Variants in HS6ST3 observed in about 807,000 individuals in gnomAD.
HS6ST3 encodes heparan sulfate 6-O-sulfotransferase 3.
Under a neutral mutation model 36.7 loss-of-function variants are expected in HS6ST3, and 12 were observed. That is an observed-to-expected ratio of 0.33 (90% CI 0.21 to 0.53). HS6ST3 has a LOEUF of 0.53. Ranked by LOEUF, HS6ST3 falls within the 20% of genes least tolerant of loss-of-function variation. HS6ST3 has a pLI of 0.95. For synonymous variants in HS6ST3, 240 were observed against 257.5 expected, an observed-to-expected ratio of 0.93 and a Z score of 0.65; for missense variants, 584 against 640.9, an observed-to-expected ratio of 0.91 and a Z score of 0.96.
intron 1 of HS6ST3, among the ~76,000 whole-genome samples, chr13:96,370,049 C>G (rs1004303774): frequency 7.2e-5 from 11 of 151,970 alleles, no homozygotes; most frequent in Non-Finnish European, 1.2e-4. Flanking sequence ...TGGTCTAGAT[C>G]AATGATTTGT....
chr13:96,154,789 G>A (rs567453606), intron 1 of HS6ST3, among the ~76,000 whole-genome samples: 46 of 152,150 alleles, frequency 3.0e-4, no homozygotes, highest in African/African-American at 1.1e-3. Flanking sequence ...TAAAGAGTCA[G>A]GATCTAGTGA....
chr13:96,814,790 A>G (rs910026740), intron 1 of HS6ST3, among the ~76,000 whole-genome samples: 2 of 152,088 alleles, frequency 1.3e-5, no homozygotes, highest in African/African-American at 2.4e-5. Context: ...CTTGTCATAT[A>G]TGAGTATAAA....
chr13:96,535,303 TC>T (rs1318582249), intron 1 of HS6ST3, among the ~76,000 whole-genome samples: 8 of 152,040 alleles, frequency 5.3e-5, no homozygotes, highest in African/African-American at 1.9e-4. Flanking sequence ...ATGCCTGTAA[TC>T]CCTGCACTTT....
chr13:96,402,583 C>G (rs1215879368), intron 1 of HS6ST3, among the ~76,000 whole-genome samples: 1 of 152,200 alleles, frequency 6.6e-6, no homozygotes, highest in Non-Finnish European at 1.5e-5. Flanking sequence ...AGTCAATACA[C>G]TGTCCCCAGA....
At chr13:96,499,028 C>CT (rs2055991022) in intron 1 of HS6ST3, among the ~76,000 whole-genome samples, 7 of 106,578 alleles carry the variant, frequency 6.6e-5, no homozygotes, top group African/African-American at 2.0e-4. Context: ...ATTGTTCACA[C>CT]ATTTTTTTTT....
intron 1 of HS6ST3, among the ~76,000 whole-genome samples, chr13:96,612,901 C>A (rs911695876): frequency 6.6e-6 from 1 of 152,130 alleles, no homozygotes; most frequent in African/African-American, 2.4e-5. Context: ...TTCATGGGGG[C>A]GAGTCAGTCT....
chr13:96,809,311 A>G (rs1878266335), intron 1 of HS6ST3, among the ~76,000 whole-genome samples: 1 of 152,228 alleles, frequency 6.6e-6, no homozygotes, highest in South Asian at 2.1e-4. Context: ...GAAAAGATTC[A>G]GGCTAGGAAT....
intron 1 of HS6ST3, among the ~76,000 whole-genome samples, chr13:96,447,554 G>A (rs781554138): frequency 6.6e-5 from 10 of 152,204 alleles, no homozygotes; most frequent in Admixed American, 2.0e-4. Context: ...CAAACATGGC[G>A]ATTCCTGCTG....
At chr13:96,350,411 G>A (rs1159280390) in intron 1 of HS6ST3, among the ~76,000 whole-genome samples, 1 of 152,178 alleles carries the variant, frequency 6.6e-6, no homozygotes, top group East Asian at 1.9e-4. Context: ...CATAAATCTG[G>A]CATTGTGATC....
intron 1 of HS6ST3, among the ~76,000 whole-genome samples, chr13:96,302,596 T>A (rs1768420469): frequency 6.6e-6 from 1 of 152,146 alleles, no homozygotes; most frequent in Non-Finnish European, 1.5e-5. Flanking sequence ...TACATGGGAT[T>A]TATATGTAAT....
At chr13:96,208,042 A>T (rs1039219320) in intron 1 of HS6ST3, among the ~76,000 whole-genome samples, 1 of 152,186 alleles carries the variant, frequency 6.6e-6, no homozygotes, top group Non-Finnish European at 1.5e-5. Flanking sequence ...AAAGGAATAG[A>T]TCATATAAAC....
At chr13:96,105,066 GAAAAA>G (rs35882347) in intron 1 of HS6ST3, among the ~76,000 whole-genome samples, 3 of 137,406 alleles carry the variant, frequency 2.2e-5, no homozygotes, top group Non-Finnish European at 3.1e-5. Context: ...CATAAAGATG[GAAAAA>G]AAAAAAAAAG....
intron 1 of HS6ST3, among the ~76,000 whole-genome samples, chr13:96,300,048 T>A (rs867125603): frequency 2.1e-4 from 11 of 52,372 alleles, no homozygotes; most frequent in African/African-American, 7.4e-4. Context: ...AGTGCTACAC[T>A]TTTTTTTTTT....
intron 1 of HS6ST3, among the ~76,000 whole-genome samples, chr13:96,238,217 A>G (rs541156461): frequency 8.5e-5 from 13 of 152,282 alleles, no homozygotes; most frequent in Non-Finnish European, 1.5e-4. Context: ...TTTGTCACCA[A>G]AATCTATGGC....
intron 1 of HS6ST3, among the ~76,000 whole-genome samples, chr13:96,551,970 CT>C (rs1360185951): frequency 1.3e-5 from 2 of 152,136 alleles, no homozygotes; most frequent in African/African-American, 4.8e-5. Flanking sequence ...AACTGTAAAC[CT>C]GCCAACTTTA....
At chr13:96,363,062 G>A (rs755928588) in intron 1 of HS6ST3, among the ~76,000 whole-genome samples, 7 of 152,096 alleles carry the variant, frequency 4.6e-5, no homozygotes, top group Non-Finnish European at 7.3e-5. Flanking sequence ...TGACAGAATC[G>A]TTCTGTGTCT....
chr13:96,739,666 C>G (rs1408217804), intron 1 of HS6ST3, among the ~76,000 whole-genome samples: 1 of 152,154 alleles, frequency 6.6e-6, no homozygotes, highest in Non-Finnish European at 1.5e-5. Context: ...TTATTCTACA[C>G]CAATCTTCAT....
intron 1 of HS6ST3, among the ~76,000 whole-genome samples, chr13:96,236,629 C>T (rs2054536076): frequency 6.6e-6 from 1 of 152,132 alleles, no homozygotes. Flanking sequence ...TTCACTGTCT[C>T]CTTGCCAGCA....
rs574529970 is a variant in HS6ST3, at chr13:96,767,665, A to T, written c.708-64825A>T. The stretch of plus-strand genomic sequence containing the variant: ...ATTTCTGTTCATTGGAGGCCTGAGC[A>T]TTGTTTGGTGATAAATAGTAGCTGA... On this transcript the variant is annotated intron_variant, in intron 1 of 1. Transcript: ENST00000376705. 1.1e-3 allele frequency among the ~76,000 whole-genome samples: 160 copies of T among 152,340 alleles called. 1 individual carries two copies. Among genetic ancestry groups the T allele is most frequent in the African/African-American group, 3.7e-3 (152 of 41,584 alleles).
Sources: gnomAD v4.1 joint callset for allele counts (sites outside exome capture counted in the v4.1 genomes callset) on GRCh38, gnomAD v4.1.1 for gene constraint, MANE v1.5 for transcripts, NCBI Gene and HGNC (gene_info 2026-07-23, HGNC 2026-07-21) for gene names.